Variants in FBXO2 observed in about 807,000 individuals in gnomAD.
FBXO2 encodes the protein F-box only protein 2.
Under a neutral mutation model 38.6 loss-of-function variants are expected in FBXO2, and 32 were observed. That is an observed-to-expected ratio of 0.83 (90% CI 0.62 to 1.11). FBXO2 has a LOEUF of 1.11. FBXO2 is among the 50% of genes most tolerant of loss of function. The probability of loss-of-function intolerance (pLI) is 0.00; values close to 1 mark genes in which losing one functional copy is unlikely to be tolerated. For synonymous variants in FBXO2, 189 were observed against 182.9 expected (o/e 1.03, Z -0.27); for missense variants, 450 against 418.3 (o/e 1.08, Z -0.66).
chr1:11,649,608 C>T, intron 4 of FBXO2, 171 bp downstream of exon 4: 1 of 640,768 alleles, frequency 1.6e-6, no homozygotes, highest in Non-Finnish European at 2.7e-6. Flanking sequence ...GGTGGGTTTC[C>T]AGGTTCTCCT....
chr1:11,648,943 A>G lies in FBXO2; in HGVS notation c.757-115T>C. On this transcript the variant is annotated intron_variant, in intron 5 of 5. Transcript: ENST00000354287. This position sits in a 1 kb window ranked among gnomAD's most constrained non-coding sequence, Gnocchi z 4.2. ...CCCACTCGGTTTCTCCGCGGTATTC[A>G]GAACTCTCTCCACCACCCGGTGACT... 1 of 1,514,534 alleles carries G rather than the reference A, an allele frequency of 6.6e-7. No homozygotes were observed. Among genetic ancestry groups the G allele is most frequent in the Non-Finnish European group, 9.0e-7 (1 of 1,114,310 alleles). 93.8% of individuals were successfully genotyped at this position (1,514,534 alleles called of 1,614,324 possible).
In FBXO2 at chr1:11,650,806, G is replaced by C. The variant is rs367609409; in HGVS notation, c.51C>G (p.Ser17Arg). 80 of 1,542,336 alleles carry C rather than the reference G, an allele frequency of 5.2e-5. No individual in the cohort carries two copies. The African/African-American group carries it at 9.6e-4, about 19-fold the overall frequency. The change falls in exon 2 of 6, where the codon AGC (serine) becomes AGG (arginine). Residue 17 changes from serine (S) to arginine (R), a missense_variant. Transcript: ENST00000354287. ...TCGCCTCCTCTGGCTGCTCCTCCGG[G>C]CTTGCCTCCTCGGGCTGGCCCACGC... The part of the protein sequence containing the change: ...PESVGQPEEA[S>R]PEEQPEEASA...
intron 4 of FBXO2, 72 bp downstream of exon 4, chr1:11,649,707 G>A (rs2235658): frequency 9.9e-6 from 15 of 1,512,906 alleles, no homozygotes; most frequent in Middle Eastern, 2.2e-4. Flanking sequence ...CAGGCGGGGG[G>A]TTCCCCAGCT....
At position 11,649,739 on chromosome 1, in the gene FBXO2, C is replaced by T. The variant is rs748568075; in HGVS notation, c.617+40G>A. Reference sequence around the variant, plus strand: ...AGCTGGCTCTCCCCTCTGCCTTACCCCGCTCCTCCCAGCCCCATGCCACCC... The same window carrying T: ...AGCTGGCTCTCCCCTCTGCCTTACCTCGCTCCTCCCAGCCCCATGCCACCC... On this transcript the variant is annotated intron_variant, in intron 4 of 5. Coordinates refer to ENST00000354287, the MANE Select transcript of FBXO2 (RefSeq NM_012168.6). 3 of 1,602,748 alleles carry T rather than the reference C, an allele frequency of 1.9e-6. No homozygotes were observed. The East Asian group carries it at 6.7e-5, about 36-fold the overall frequency.
At chr1:11,654,220 C>T in intron 1 of FBXO2, 99 bp downstream of exon 1, 1 of 1,332,372 alleles carries the variant, frequency 7.5e-7, no homozygotes, top group Non-Finnish European at 1.0e-6. Context: ...CGCGCCAGGT[C>T]TCCGGGTCCC....
intron 1 of FBXO2, among the ~76,000 whole-genome samples, chr1:11,653,174 C>T (rs1361276956): frequency 1.3e-5 from 2 of 152,306 alleles, no homozygotes; most frequent in East Asian, 3.9e-4. Flanking sequence ...CTCTCCAGCC[C>T]TCCCTCCGGC....
chr1:11,650,881 T>C, intron 1 of FBXO2, 47 bp from the exon 2 acceptor site: 1 of 1,548,978 alleles, frequency 6.5e-7, no homozygotes, highest in African/African-American at 1.4e-5. Flanking sequence ...CACCCTGTAC[T>C]CCTCCAGGCC....
At chr1:11,653,011 G>A (rs954212015) in intron 1 of FBXO2, among the ~76,000 whole-genome samples, 1 of 152,208 alleles carries the variant, frequency 6.6e-6, no homozygotes, top group African/African-American at 2.4e-5. Context: ...CTTTGGCAAA[G>A]AGGAAACTGA....
intron 1 of FBXO2, 41 bp from the exon 2 acceptor site, chr1:11,650,875 C>G: frequency 1.3e-6 from 2 of 1,553,258 alleles, no homozygotes; most frequent in Non-Finnish European, 1.7e-6. Context: ...TTCCTCCACC[C>G]TGTACTCCTC....
chr1:11,648,615 G>C lies in FBXO2; in HGVS notation c.*79C>G. 1 of 1,549,482 alleles carries C rather than the reference G, an allele frequency of 6.5e-7. No individual in the cohort carries two copies. The highest frequency in any genetic ancestry group is 8.8e-7 in the Non-Finnish European group (1 of 1,135,942). Reference sequence around the variant, plus strand: ...TGTGTGGCTTGGGGAAGGTGAGGACGCTATGGACTAAGTTAAGGCCTATCT... The same window carrying C: ...TGTGTGGCTTGGGGAAGGTGAGGACCCTATGGACTAAGTTAAGGCCTATCT... On this transcript the variant is annotated 3_prime_UTR_variant, in exon 6 of 6. Transcript: ENST00000354287. This position sits in a 1 kb window ranked among gnomAD's most constrained non-coding sequence, Gnocchi z 4.2.
In FBXO2 at chr1:11,648,694, T is replaced by C. The variant is rs1312519353; in HGVS notation, c.891A>G (p.Ter297TrpextTer22). The change falls in exon 6 of 6, where the codon TGA (stop) becomes TGG (tryptophan). Residue 297 changes from the stop codon to tryptophan (W), a stop_lost. Coordinates refer to ENST00000354287, the MANE Select transcript of FBXO2 (RefSeq NM_012168.6). The surrounding 1 kb of genome is among the most constrained non-coding windows in gnomAD (Gnocchi z 4.2). The stretch of plus-strand genomic sequence containing the variant: ...TGGGGGAGAGTGGAGGCAGGGTCGC[T>C]CAGGGTTCTACCCACACGCTGCTGT... ...VTNSSVWVEP[*>W] is the part of the protein sequence containing the mutation. 1 of 1,613,202 alleles carries C rather than the reference T, an allele frequency of 6.2e-7. No homozygotes were observed. The highest frequency in any genetic ancestry group is 1.7e-5 in the Admixed American group (1 of 60,012).
At chr1:11,652,696 G>A (rs1639546686) in intron 1 of FBXO2, among the ~76,000 whole-genome samples, 1 of 152,242 alleles carries the variant, frequency 6.6e-6, no homozygotes, top group Non-Finnish European at 1.5e-5. Context: ...CGGATGGGGA[G>A]TTCCCATGGG....
In FBXO2 at chr1:11,649,070, G is replaced by T. The variant is rs748064928; in HGVS notation, c.756+17C>A. On this transcript the variant is annotated intron_variant, in intron 5 of 5. Coordinates refer to ENST00000354287, the MANE Select transcript of FBXO2 (RefSeq NM_012168.6). ...TGTCCGTGCCCCACCCCTCCGCCCT[G>T]GGTCCCCCAGGCTCACCTCCATCCA... 3.2e-6 allele frequency: 5 copies of T among 1,560,750 alleles called. No homozygotes were observed. In the Admixed American group the frequency reaches 5.4e-5, roughly 17 times the overall value.
At chr1:11,650,931 TGGGACAATCCACAGCTG>T in intron 1 of FBXO2, 97 bp from the exon 2 acceptor site, 2 of 1,441,344 alleles carry the variant, frequency 1.4e-6, no homozygotes, top group South Asian at 2.8e-5. Flanking sequence ...CCACCCACCG[TGGGACAATCCACAGCTG>T]GGGCCGGAGA....
rs1391595863 is a variant in FBXO2 at position 11,649,963 on chromosome 1, T to C, written c.503A>G (p.Tyr168Cys). The change falls in exon 3 of 6, where the codon TAC becomes TGC. Residue 168 changes from tyrosine to cysteine, a missense_variant. Physicochemically the swap from Tyr to Cys is radical, Grantham distance 194 (BLOSUM62 -2). Coordinates refer to ENST00000354287, the MANE Select transcript of FBXO2 (RefSeq NM_012168.6). ...TCCTTACTCAAAGGAGGAGGCGAAG[T>C]ACTTCTTGACGCTCTCATCGTGGGT... Reference protein sequence around the residue: ...EFTHDESVKKYFASSFEWCRK... With the variant: ...EFTHDESVKKCFASSFEWCRK... 2.5e-6 allele frequency: 4 copies of C among 1,613,870 alleles called. No individual in the cohort carries two copies. Among genetic ancestry groups the C allele is most frequent in the Non-Finnish European group, 3.4e-6 (4 of 1,180,008 alleles).
At chr1:11,652,300 G>A (rs1326640722) in intron 1 of FBXO2, among the ~76,000 whole-genome samples, 1 of 152,134 alleles carries the variant, frequency 6.6e-6, no homozygotes, top group African/African-American at 2.4e-5. Context: ...TTGGGGATGA[G>A]GAGGGACTTA....
At position 11,648,875 on chromosome 1, in the gene FBXO2, C is replaced by T. The variant is rs751573054; in HGVS notation, c.757-47G>A. 6.2e-7 allele frequency: 1 copy of T among 1,604,084 alleles called. No homozygotes were observed. The highest frequency in any genetic ancestry group is 1.7e-5 in the Admixed American group (1 of 59,786). On this transcript the variant is annotated intron_variant, in intron 5 of 5. Coordinates refer to ENST00000354287, the MANE Select transcript of FBXO2 (RefSeq NM_012168.6). The surrounding 1 kb of genome is among the most constrained non-coding windows in gnomAD (Gnocchi z 4.2). ...GTCAGCCTCGGAGGTCCTGAGGCCTCTCCTGCCGCCCCACCCCGGTACACC... is the reference window on the plus strand; with the variant it reads ...GTCAGCCTCGGAGGTCCTGAGGCCTTTCCTGCCGCCCCACCCCGGTACACC...
chr1:11,652,522 C>T (rs981558653), intron 1 of FBXO2, among the ~76,000 whole-genome samples: 4 of 152,172 alleles, frequency 2.6e-5, no homozygotes, highest in Non-Finnish European at 5.9e-5. Flanking sequence ...CAGATGTCAC[C>T]GCGGCAGCCG....
chr1:11,648,425 T>A lies in FBXO2; in HGVS notation c.*269A>T. On this transcript the variant is annotated 3_prime_UTR_variant, in exon 6 of 6. Coordinates refer to ENST00000354287, the MANE Select transcript of FBXO2 (RefSeq NM_012168.6). This position sits in a 1 kb window ranked among gnomAD's most constrained non-coding sequence, Gnocchi z 4.2. ...TAATATTTATTGAGAGCCCACTTTG[T>A]GGCAAGCACTGTGCTAGGTGCAGGG... 4 of 452,996 alleles carry A rather than the reference T, an allele frequency of 8.8e-6. No individual in the cohort carries two copies. The highest frequency in any genetic ancestry group is 7.7e-5 in the African/African-American group (4 of 51,708). 28.1% of individuals were successfully genotyped at this position (452,996 alleles called of 1,614,324 possible). A position where few individuals can be genotyped will look rare whatever the true frequency, so the allele number is the denominator to read the frequency against.
Sources: allele counts gnomAD v4.1 joint callset (sites outside exome capture counted in the v4.1 genomes callset), GRCh38; gene constraint gnomAD v4.1.1; non-coding constraint Gnocchi (gnomAD v3.1); transcripts MANE v1.5; gene names NCBI Gene and HGNC (gene_info 2026-07-23, HGNC 2026-07-21).